The following NRXN1 variants were observed in gnomAD, a reference collection of about 807,000 sequenced individuals.
NRXN1 encodes the protein neurexin-1.
A neutral mutation model predicts 150.9 loss-of-function variants in NRXN1; 39 were observed. The observed-to-expected ratio is 0.26, with a 90% CI of 0.20 to 0.34. NRXN1 has a LOEUF of 0.34. Ranked by LOEUF, NRXN1 falls within the 10% of genes least tolerant of loss-of-function variation. NRXN1 has a pLI of 1.00. For missense variants in NRXN1, 1,815 were observed against 1,949.9 expected (o/e 0.93, Z 1.30); for synonymous variants, 924 against 757.0 (o/e 1.22, Z -3.62).
chr2:51,009,138 C>T (rs979060719), intron 2 of NRXN1: 9 of 151,854 alleles, frequency 5.9e-5, no homozygotes, highest in Non-Finnish European at 1.2e-4. Flanking sequence ...TTTCAAGGAG[C>T]TGATCCAGAA....
At chr2:50,078,428 C>T (rs1697410691) in intron 19 of NRXN1, among the ~76,000 whole-genome samples, 1 of 151,456 alleles carries the variant, frequency 6.6e-6, no homozygotes. Flanking sequence ...TTCAGCTTTC[C>T]TCCTGTTAAT....
chr2:49,932,302 T>C (rs1670267824), intron 22 of NRXN1, among the ~76,000 whole-genome samples: 1 of 152,094 alleles, frequency 6.6e-6, no homozygotes, highest in Non-Finnish European at 1.5e-5. Context: ...ATGCCTGTAG[T>C]CTCAGCTTCT....
intron 18 of NRXN1, among the ~76,000 whole-genome samples, chr2:50,105,584 C>G (rs1364664535): frequency 6.6e-6 from 1 of 152,054 alleles, no homozygotes; most frequent in East Asian, 1.9e-4. Flanking sequence ...AGCTTCCAAT[C>G]AAATCCAAAA....
chr2:50,163,164 G>GTACATATATATATATATATATA (rs1553695027), intron 18 of NRXN1, among the ~76,000 whole-genome samples: 14 of 141,754 alleles, frequency 9.9e-5, no homozygotes, highest in Non-Finnish European at 2.2e-4. Context: ...AATCCAAAAT[G>GTACATATATATATATATATATA]TATATATATA....
At chr2:50,007,701 T>C (rs1684997588) in intron 21 of NRXN1, among the ~76,000 whole-genome samples, 2 of 152,138 alleles carry the variant, frequency 1.3e-5, no homozygotes, top group South Asian at 4.1e-4. Flanking sequence ...TACATGTGCA[T>C]GTGTCTTTTA....
At chr2:50,062,296 C>T (rs935545748) in intron 19 of NRXN1, among the ~76,000 whole-genome samples, 1 of 151,804 alleles carries the variant, frequency 6.6e-6, no homozygotes, top group Non-Finnish European at 1.5e-5. Context: ...GGGATTAGTG[C>T]CCTTATAAAA....
chr2:50,879,401 G>GTGTATAT (rs774630081), intron 5 of NRXN1, among the ~76,000 whole-genome samples: 52 of 151,844 alleles, frequency 3.4e-4, no homozygotes, highest in Non-Finnish European at 6.2e-4. Context: ...TCTTAAATTA[G>GTGTATAT]TGTATATTGC....
chr2:50,731,222 C>T (rs1338692681), intron 5 of NRXN1, among the ~76,000 whole-genome samples: 1 of 152,008 alleles, frequency 6.6e-6, no homozygotes, highest in Non-Finnish European at 1.5e-5. Context: ...AACATAACAA[C>T]TCATAAAAAA....
chr2:50,186,661 C>T lies in NRXN1; in HGVS notation c.3546+50128G>A, dbSNP rs190494776. Among the ~76,000 whole-genome samples, 7 of 152,144 alleles carry T rather than the reference C, an allele frequency of 4.6e-5. No homozygotes were observed. In the East Asian group the frequency reaches 1.2e-3, roughly 25 times the overall value. On this transcript the variant is annotated intron_variant, in intron 18 of 22. Transcript: ENST00000401669. ...AAGAAGCTCAGAAAAATTTCCTTTG[C>T]TGTGCATCATGTATGCTTTACTCAA...
At chr2:50,170,148 C>T (rs780758220) in intron 18 of NRXN1, among the ~76,000 whole-genome samples, 7 of 151,908 alleles carry the variant, frequency 4.6e-5, no homozygotes, top group Non-Finnish European at 8.8e-5. Context: ...ATATCACACA[C>T]ACACACACAC....
chr2:50,060,422 G>C (rs996666987), intron 19 of NRXN1, among the ~76,000 whole-genome samples: 3 of 152,130 alleles, frequency 2.0e-5, no homozygotes, highest in African/African-American at 7.2e-5. Flanking sequence ...TAGGCTCATA[G>C]GCAGAAAGGA....
chr2:50,524,548 G>A (rs375165546), intron 12 of NRXN1, among the ~76,000 whole-genome samples: 125 of 151,628 alleles, frequency 8.2e-4, no homozygotes, highest in African/African-American at 2.9e-3. Flanking sequence ...GTGTCCCTAA[G>A]CCTTCCAGTG....
At chr2:50,034,462 C>G (rs4583505) in intron 21 of NRXN1, among the ~76,000 whole-genome samples, 131,895 of 152,046 alleles carry the variant, frequency 0.87, 57,339 homozygotes, top group African/African-American at 0.92. Flanking sequence ...TGGACACATA[C>G]AGGGAAACAG....
At chr2:50,877,032 A>T (rs1258942358) in intron 5 of NRXN1, among the ~76,000 whole-genome samples, 1 of 151,770 alleles carries the variant, frequency 6.6e-6, no homozygotes, top group Non-Finnish European at 1.5e-5. Flanking sequence ...ATTTTTATTG[A>T]ACTATTTAAA....
chr2:50,294,110 C>G (rs2073273838), intron 17 of NRXN1, among the ~76,000 whole-genome samples: 1 of 152,136 alleles, frequency 6.6e-6, no homozygotes, highest in Non-Finnish European at 1.5e-5. Flanking sequence ...TCCAATGAAA[C>G]CTTTGGTAAA....
chr2:50,584,654 C>T (rs1316114337), intron 8 of NRXN1, among the ~76,000 whole-genome samples: 2 of 152,138 alleles, frequency 1.3e-5, no homozygotes, highest in South Asian at 2.1e-4. Context: ...GTTTTCTCCT[C>T]ATAGTTTAAG....
intron 15 of NRXN1, among the ~76,000 whole-genome samples, chr2:50,472,986 G>C (rs185064877): frequency 5.3e-5 from 8 of 151,932 alleles, no homozygotes; most frequent in East Asian, 1.9e-4. Context: ...CAGTCAACAG[G>C]CATTATTATT....
intron 18 of NRXN1, among the ~76,000 whole-genome samples, chr2:50,113,831 T>A (rs1702682985): frequency 6.6e-6 from 1 of 152,154 alleles, no homozygotes; most frequent in Non-Finnish European, 1.5e-5. Flanking sequence ...CTCCCAAGTT[T>A]CAGTTATTAT....
intron 2 of NRXN1, among the ~76,000 whole-genome samples, chr2:50,948,750 T>C (rs955823686): frequency 6.6e-6 from 1 of 152,032 alleles, no homozygotes; most frequent in African/African-American, 2.4e-5. Context: ...TTGAGCCCAG[T>C]TACTTTTTAT....
Sources: allele counts gnomAD v4.1 joint callset (sites outside exome capture counted in the v4.1 genomes callset), GRCh38; gene constraint gnomAD v4.1.1; transcripts MANE v1.5; gene names NCBI Gene and HGNC (gene_info 2026-07-23, HGNC 2026-07-21).